KCMF1: variants seen among roughly 807,000 people sequenced by gnomAD.
KCMF1 encodes E3 ubiquitin-protein ligase KCMF1.
In KCMF1, 3 loss-of-function variants were observed where a neutral mutation model predicts 41.1. That is an observed-to-expected ratio of 0.07 (90% CI 0.03 to 0.19). The LOEUF is 0.19. Among genes scored for constraint, KCMF1 ranks in the 10% least tolerant of loss-of-function variants. The pLI, the probability that KCMF1 is intolerant of heterozygous loss-of-function variation, is 1.00. For missense variants in KCMF1, 286 were observed against 488.9 expected, an observed-to-expected ratio of 0.58 and a Z score of 3.91; for synonymous variants, 142 against 164.5, an observed-to-expected ratio of 0.86 and a Z score of 1.04.
At chr2:85,034,516 C>G (rs1675360881) in intron 2 of KCMF1, among the ~76,000 whole-genome samples, 1 of 152,128 alleles carries the variant, frequency 6.6e-6, no homozygotes, top group East Asian at 1.9e-4. Flanking sequence ...CTCGTTCTCT[C>G]TTAAGGCTAT....
chr2:85,044,727 C>T (rs1354355606), intron 4 of KCMF1, among the ~76,000 whole-genome samples: 1 of 152,128 alleles, frequency 6.6e-6, no homozygotes, highest in African/African-American at 2.4e-5. Context: ...CCATGTTGGC[C>T]AGGCTGGTCT....
chr2:85,025,593 A>G (rs1675083458), intron 1 of KCMF1, among the ~76,000 whole-genome samples: 1 of 151,992 alleles, frequency 6.6e-6, no homozygotes, highest in South Asian at 2.1e-4. Flanking sequence ...GCACATCTCG[A>G]TGGAATCACA....
intron 1 of KCMF1, among the ~76,000 whole-genome samples, chr2:85,024,502 G>T (rs1675036111): frequency 6.6e-6 from 1 of 150,672 alleles, no homozygotes; most frequent in Admixed American, 6.7e-5. Context: ...AAAAGATGAA[G>T]AAAAAGTCTT....
In KCMF1 at chr2:85,058,327, A is replaced by T. The variant is rs1462880192; in HGVS notation, c.*4918A>T. 6.6e-6 allele frequency: 1 copy of T among 152,194 alleles called. No homozygotes were observed. Among genetic ancestry groups the T allele is most frequent in the Non-Finnish European group, 1.5e-5 (1 of 68,096 alleles). 9.4% of individuals were successfully genotyped at this position (152,194 alleles called of 1,614,324 possible). ...AACCCGGGAGGCGGAGGTTGCAGTG[A>T]GCCGAGATTGCGCCACTGCACTCCA... On this transcript the variant is annotated 3_prime_UTR_variant, in exon 7 of 7. Transcript: ENST00000409785.
intron 3 of KCMF1, among the ~76,000 whole-genome samples, chr2:85,039,144 C>T (rs1011918077): frequency 1.3e-5 from 2 of 152,190 alleles, no homozygotes; most frequent in African/African-American, 4.8e-5. Flanking sequence ...ATTTGGTACT[C>T]AGTAAGTGCT....
chr2:84,981,965 T>G (rs979334447), intron 1 of KCMF1, among the ~76,000 whole-genome samples: 7 of 152,050 alleles, frequency 4.6e-5, no homozygotes, highest in African/African-American at 1.7e-4. Flanking sequence ...TTTTTTTTAG[T>G]AGAGACAGAG....
intron 1 of KCMF1, among the ~76,000 whole-genome samples, chr2:84,992,922 G>C (rs561342989): frequency 2.0e-4 from 30 of 152,280 alleles, no homozygotes; most frequent in Middle Eastern, 3.4e-3. Context: ...GTATCTTTCA[G>C]CTGGGCTCAG....
intron 5 of KCMF1, among the ~76,000 whole-genome samples, chr2:85,047,373 C>G (rs1201397262): frequency 2.6e-5 from 4 of 152,094 alleles, no homozygotes; most frequent in Admixed American, 6.5e-5. Flanking sequence ...AGATTTATGC[C>G]TATCTCAGAT....
Position 85,056,658 on chromosome 2 carries a change from A to G in KCMF1, c.*3249A>G, listed in dbSNP as rs574448163. ...AGAATCTTTTGAATGGGATTCCTGT[A>G]ACAGTGTTCAGTACCAATATTAAGT... On this transcript the variant is annotated 3_prime_UTR_variant, in exon 7 of 7. Coordinates refer to ENST00000409785, the MANE Select transcript of KCMF1 (RefSeq NM_020122.5). 3.3e-5 allele frequency: 5 copies of G among 152,340 alleles called. No individual in the cohort carries two copies. Among genetic ancestry groups the G allele is most frequent in the African/African-American group, 1.2e-4 (5 of 41,572 alleles). The allele number at this position is 152,340 out of a possible 1,614,324, so 9.4% of individuals were successfully genotyped here.
At chr2:85,026,531 C>T (rs1251396949) in intron 1 of KCMF1, among the ~76,000 whole-genome samples, 1 of 150,652 alleles carries the variant, frequency 6.6e-6, no homozygotes, top group East Asian at 1.9e-4. Context: ...TGTTCTGTTC[C>T]CAAGCTGGAG....
chr2:85,017,379 G>C (rs1674801670), intron 1 of KCMF1, among the ~76,000 whole-genome samples: 1 of 152,122 alleles, frequency 6.6e-6, no homozygotes, highest in African/African-American at 2.4e-5. Context: ...TAAATGCAGA[G>C]TCTCTTCTTG....
intron 1 of KCMF1, among the ~76,000 whole-genome samples, chr2:85,014,713 G>A (rs557454520): frequency 7.0e-6 from 1 of 142,706 alleles, no homozygotes; most frequent in Non-Finnish European, 1.5e-5. Flanking sequence ...GCGCGCGTGC[G>A]TGCGTGCGTG....
At chr2:85,003,116 C>T (rs1010564059) in intron 1 of KCMF1, among the ~76,000 whole-genome samples, 2 of 152,112 alleles carry the variant, frequency 1.3e-5, no homozygotes, top group African/African-American at 2.4e-5. Flanking sequence ...TTAATTAATC[C>T]AGGATTTCTT....
At chr2:85,027,124 T>A (rs1675127087) in intron 1 of KCMF1, among the ~76,000 whole-genome samples, 1 of 152,090 alleles carries the variant, frequency 6.6e-6, no homozygotes, top group South Asian at 2.1e-4. Flanking sequence ...ATTTTTGTAA[T>A]CCCCTAGGGA....
At chr2:85,001,960 A>G (rs1474318990) in intron 1 of KCMF1, among the ~76,000 whole-genome samples, 3 of 152,214 alleles carry the variant, frequency 2.0e-5, no homozygotes, top group Non-Finnish European at 2.9e-5. Flanking sequence ...TTATAACACA[A>G]TGCTATTTGT....
intron 3 of KCMF1, among the ~76,000 whole-genome samples, chr2:85,040,953 G>A (rs1675518635): frequency 6.6e-6 from 1 of 151,732 alleles, no homozygotes; most frequent in Admixed American, 6.6e-5. Flanking sequence ...GTAGAGATGG[G>A]GTTTCACCAT....
chr2:85,026,501 A>T (rs1053198499), intron 1 of KCMF1, among the ~76,000 whole-genome samples: 15 of 141,512 alleles, frequency 1.1e-4, no homozygotes, highest in African/African-American at 4.0e-4. Context: ...TATTATTTTT[A>T]TTTTTTCCAG....
At chr2:84,982,389 CTTTTTTTTTTTTTTTTTTTTTTTTTTTT>C (rs34687477) in intron 1 of KCMF1, among the ~76,000 whole-genome samples, 1 of 47,254 alleles carries the variant, frequency 2.1e-5, no homozygotes, top group Admixed American at 3.7e-4. Context: ...TCCTTATTTT[CTTTTTTTTTTTTTTTTTTTTTTTTTTTT>C]TTTTTGAGCC....
At chr2:84,982,364 G>A (rs776253728) in intron 1 of KCMF1, among the ~76,000 whole-genome samples, 34 of 143,836 alleles carry the variant, frequency 2.4e-4, no homozygotes, top group Admixed American at 7.7e-4. Context: ...TTATATAAAG[G>A]AGTTACAGAT....
Sources: gnomAD v4.1 joint callset for allele counts (sites outside exome capture counted in the v4.1 genomes callset) on GRCh38, gnomAD v4.1.1 for gene constraint, MANE v1.5 for transcripts, NCBI Gene and HGNC (gene_info 2026-07-23, HGNC 2026-07-21) for gene names.